The following MATCAP2 variants were observed in gnomAD, a reference collection of about 807,000 sequenced individuals.
MATCAP2 encodes putative tyrosine carboxypeptidase MATCAP2.
the MATCAP2 span, among the ~76,000 whole-genome samples, chr7:36,382,247 C>A: frequency 1.2e-3 from 153 of 130,380 alleles, 1 homozygote; most frequent in African/African-American, 4.1e-3. Flanking sequence ...GCGGAGGTTG[C>A]AGTGAGCAGA....
chr7:36,366,727 A>G, the MATCAP2 span: 3 of 1,535,334 alleles, frequency 2.0e-6, no homozygotes, highest in East Asian at 2.5e-5. Flanking sequence ...CGAAAGGATA[A>G]GGGGCCGATT....
the MATCAP2 span, among the ~76,000 whole-genome samples, chr7:36,385,242 C>T: frequency 6.6e-6 from 1 of 152,160 alleles, no homozygotes; most frequent in Non-Finnish European, 1.5e-5. Context: ...CGAATTCTCT[C>T]CAAATTATGT....
At chr7:36,335,327 A>T in the MATCAP2 span, 1 of 763,446 alleles carries the variant, frequency 1.3e-6, no homozygotes, top group Middle Eastern at 3.4e-4. Context: ...AGGAATGTGC[A>T]GCCAAACCAC....
chr7:36,389,286 C>A, the MATCAP2 span, among the ~76,000 whole-genome samples: 1 of 152,112 alleles, frequency 6.6e-6, no homozygotes, highest in African/African-American at 2.4e-5. Flanking sequence ...TGGTCTTGAA[C>A]TCCTGACCTC....
chr7:36,384,526 A>G, the MATCAP2 span, among the ~76,000 whole-genome samples: 6 of 152,232 alleles, frequency 3.9e-5, no homozygotes, highest in African/African-American at 1.4e-4. Context: ...GCTATAAACA[A>G]GTCCCTGCAC....
At chr7:36,338,239 C>T in the MATCAP2 span, among the ~76,000 whole-genome samples, 1 of 152,134 alleles carries the variant, frequency 6.6e-6, no homozygotes, top group Non-Finnish European at 1.5e-5. Flanking sequence ...TTTCCCTTTC[C>T]AGGCCCTCCC....
the MATCAP2 span, chr7:36,367,399 C>G: frequency 1.0e-6 from 1 of 956,568 alleles, no homozygotes; most frequent in Non-Finnish European, 1.2e-6. Flanking sequence ...TGGCTGTGCC[C>G]GCGAGCGCGC....
At chr7:36,367,303 C>A in the MATCAP2 span, 2 of 1,014,866 alleles carry the variant, frequency 2.0e-6, no homozygotes, top group African/African-American at 1.7e-5. Context: ...GGCGCTCGTG[C>A]GACGAAGGCC....
the MATCAP2 span, among the ~76,000 whole-genome samples, chr7:36,379,745 G>T: frequency 6.6e-6 from 1 of 151,220 alleles, no homozygotes; most frequent in South Asian, 2.1e-4. Flanking sequence ...GACTATTGCT[G>T]CTAGTCTACA....
the MATCAP2 span, among the ~76,000 whole-genome samples, chr7:36,329,936 C>T: frequency 6.6e-6 from 1 of 151,998 alleles, no homozygotes; most frequent in African/African-American, 2.4e-5. Context: ...GGGAAATACA[C>T]ATCACTTATG....
the MATCAP2 span, among the ~76,000 whole-genome samples, chr7:36,335,361 C>G: frequency 6.6e-6 from 1 of 152,176 alleles, no homozygotes; most frequent in Non-Finnish European, 1.5e-5. Context: ...AATTTTGACC[C>G]TTTGGGAACT....
the MATCAP2 span, chr7:36,366,803 G>A: frequency 6.5e-7 from 1 of 1,529,898 alleles, no homozygotes; most frequent in South Asian, 1.2e-5. Context: ...CGGGGCGCAG[G>A]GTGGAGTCCC....
the MATCAP2 span, among the ~76,000 whole-genome samples, chr7:36,381,708 G>A: frequency 3.0e-4 from 46 of 151,674 alleles, 1 homozygote; most frequent in South Asian, 9.2e-3. Context: ...TTGTGGTCCC[G>A]GAGAATACAC....
At chr7:36,366,834 G>A in the MATCAP2 span, 1 of 1,519,630 alleles carries the variant, frequency 6.6e-7, no homozygotes, top group South Asian at 1.2e-5. Flanking sequence ...CCCAGCCGGT[G>A]GCTACCATTA....
At chr7:36,380,192 C>T in the MATCAP2 span, among the ~76,000 whole-genome samples, 5 of 152,086 alleles carry the variant, frequency 3.3e-5, no homozygotes, top group Non-Finnish European at 5.9e-5. Context: ...ATAGAGGTGG[C>T]AAATAGCAGG....
chr7:36,367,502 G>A, the MATCAP2 span, among the ~76,000 whole-genome samples: 2 of 152,168 alleles, frequency 1.3e-5, no homozygotes, highest in Non-Finnish European at 2.9e-5. Flanking sequence ...GGTGCGCTGT[G>A]ACACTCGGCC....
At chr7:36,338,735 G>A in the MATCAP2 span, among the ~76,000 whole-genome samples, 1 of 152,252 alleles carries the variant, frequency 6.6e-6, no homozygotes, top group Non-Finnish European at 1.5e-5. Context: ...CATTTTAAAG[G>A]TTTGAATAAG....
the MATCAP2 span, chr7:36,366,865 AC>A: frequency 6.7e-7 from 1 of 1,492,804 alleles, no homozygotes; most frequent in Non-Finnish European, 8.8e-7. Context: ...GGGCGGCGGG[AC>A]CCCGGTCCGC....
chr7:36,378,111 G>A, the MATCAP2 span, among the ~76,000 whole-genome samples: 91 of 152,286 alleles, frequency 6.0e-4, 2 homozygotes, highest in South Asian at 0.017. Flanking sequence ...CTATCAACTC[G>A]TCAAAGTCAT....
Sources: gnomAD v4.1 joint callset for allele counts (sites outside exome capture counted in the v4.1 genomes callset) on GRCh38, gnomAD v4.1.1 for gene constraint, MANE v1.5 for transcripts, NCBI Gene and HGNC (gene_info 2026-07-23, HGNC 2026-07-21) for gene names.